Variants in VPS13C observed in about 807,000 individuals in gnomAD.
VPS13C encodes the protein intermembrane lipid transfer protein VPS13C.
Under a neutral mutation model 456.8 loss-of-function variants are expected in VPS13C, and 358 were observed. That is an observed-to-expected ratio of 0.78 (90% CI 0.72 to 0.86). The LOEUF is 0.86. Among genes scored for constraint, VPS13C ranks in the 40% least tolerant of loss-of-function variants. The pLI, the probability that VPS13C is intolerant of heterozygous loss-of-function variation, is 0.00. For missense variants in VPS13C, 4,818 were observed against 4,385.4 expected, an observed-to-expected ratio of 1.10 and a Z score of -2.79; for synonymous variants, 1,578 against 1,486.7, an observed-to-expected ratio of 1.06 and a Z score of -1.41.
chr15:62,047,568 A>C (rs1321533582), intron 1 of VPS13C, among the ~76,000 whole-genome samples: 1 of 152,224 alleles, frequency 6.6e-6, no homozygotes, highest in Non-Finnish European at 1.5e-5. Flanking sequence ...TACATTCTCC[A>C]AGTTATTTGC....
rs1893753514 is a variant in VPS13C at position 61,853,569 on chromosome 15, T to G, written c.*888A>C. On this transcript the variant is annotated 3_prime_UTR_variant, in exon 85 of 85. Coordinates refer to ENST00000644861, the MANE Select transcript of VPS13C (RefSeq NM_020821.3). The stretch of plus-strand genomic sequence containing the variant: ...AATAAGCACCAAAGTAAAATATGCT[T>G]TATTAGGGGGAAAAACAGTGTTTTC... 6.6e-6 allele frequency: 1 copy of G among 152,124 alleles called. No homozygotes were observed. The highest frequency in any genetic ancestry group is 2.4e-5 in the African/African-American group (1 of 41,422). 9.4% of individuals were successfully genotyped at this position (152,124 alleles called of 1,614,324 possible).
chr15:62,057,211 CA>C (rs1218790823), intron 1 of VPS13C, among the ~76,000 whole-genome samples: 4 of 150,470 alleles, frequency 2.7e-5, no homozygotes, highest in Non-Finnish European at 5.9e-5. Flanking sequence ...ACAACAACAA[CA>C]AAAAAAAAAC....
chr15:61,882,778 C>G (rs781511576), intron 68 of VPS13C, 42 bp from the exon 69 acceptor site: 1 of 1,504,752 alleles, frequency 6.6e-7, no homozygotes, highest in Non-Finnish European at 8.8e-7. Flanking sequence ...CTGATATTAG[C>G]ACAGTAGCTA....
intron 8 of VPS13C, among the ~76,000 whole-genome samples, chr15:62,022,918 T>G (rs2047511708): frequency 6.6e-6 from 1 of 151,920 alleles, no homozygotes; most frequent in African/African-American, 2.4e-5. Context: ...AAGTTTGGTT[T>G]CTTCTGTGCA....
intron 3 of VPS13C, among the ~76,000 whole-genome samples, chr15:62,039,864 C>A (rs2048183395): frequency 6.6e-6 from 1 of 152,040 alleles, no homozygotes; most frequent in African/African-American, 2.4e-5. Flanking sequence ...TAGGTATATA[C>A]CCAAAAGAAA....
chr15:62,018,909 T>C lies in VPS13C; in HGVS notation c.684+1570A>G, dbSNP rs867733603. Among the ~76,000 whole-genome samples the C allele has an allele frequency of 5.3e-5, 8 of 152,284 alleles. No homozygotes were observed. In the Middle Eastern group the frequency reaches 0.014, roughly 259 times the overall value. On this transcript the variant is annotated intron_variant, in intron 9 of 84. Coordinates refer to ENST00000644861, the MANE Select transcript of VPS13C (RefSeq NM_020821.3). ...CTGGTAGAATTCGGCTGTGAATCCG[T>C]CTGGTCCTGGACTTTTTTTGGTTGG...
In VPS13C at chr15:61,931,002, G is replaced by C. The variant is rs147840430; in HGVS notation, c.6038+88C>G. Reference sequence around the variant, plus strand: ...TGACCAAAAGACAGAGATCTTTTTTGGATGATCCCTAGCCTAGCAATGCCT... The same window carrying C: ...TGACCAAAAGACAGAGATCTTTTTTCGATGATCCCTAGCCTAGCAATGCCT... On this transcript the variant is annotated intron_variant, in intron 50 of 84. Coordinates refer to ENST00000644861, the MANE Select transcript of VPS13C (RefSeq NM_020821.3). 8.2e-5 allele frequency: 119 copies of C among 1,455,308 alleles called. No individual in the cohort carries two copies. The African/African-American group carries it at 1.5e-3, about 18-fold the overall frequency. The allele number at this position is 1,455,308 out of a possible 1,614,324, so 90.1% of individuals were successfully genotyped here. A position where few individuals can be genotyped will look rare whatever the true frequency, so the allele number is the denominator to read the frequency against.
chr15:61,927,189 T>C lies in VPS13C; in HGVS notation c.6418A>G (p.Thr2140Ala), dbSNP rs767137353. ...ASFQCNLSLSTSKLEQMMEAS... is the reference protein window; with the variant it reads ...ASFQCNLSLSASKLEQMMEAS... ...TCCATCATCTGTTCGAGTTTGGATGTTGACAGAGAAAGGTTGCACTGAAAC... is the reference window on the plus strand; with the variant it reads ...TCCATCATCTGTTCGAGTTTGGATGCTGACAGAGAAAGGTTGCACTGAAAC... The change falls in exon 52 of 85, where the codon ACA becomes GCA. Residue 2140 changes from threonine (T) to alanine (A), a missense_variant. Transcript: ENST00000644861. 8.1e-6 allele frequency: 13 copies of C among 1,614,034 alleles called. No homozygotes were observed. The highest frequency in any genetic ancestry group is 2.7e-5 in the African/African-American group (2 of 74,924).
chr15:61,899,839 T>C (rs2042942702), intron 66 of VPS13C, among the ~76,000 whole-genome samples: 1 of 151,760 alleles, frequency 6.6e-6, no homozygotes, highest in African/African-American at 2.4e-5. Context: ...ATATCCTTGA[T>C]GAACATCGAT....
intron 64 of VPS13C, 51 bp from the exon 65 acceptor site, chr15:61,909,176 T>G: frequency 6.3e-7 from 1 of 1,591,466 alleles, no homozygotes; most frequent in Non-Finnish European, 8.6e-7. Flanking sequence ...TAATCTACAC[T>G]TACATATGGA....
In VPS13C at chr15:61,983,815, CT is replaced by C. The variant is rs1454201949; in HGVS notation, c.1914+4del. ...AATAAAGAGTTACTTTCTCCTTGCA[CT>C]TACAGCATCATAGATGACCTCCACA... is the stretch of plus-strand genomic sequence containing the variant. On this transcript the variant is annotated splice_donor_region_variant and intron_variant, in intron 20 of 84. Coordinates refer to ENST00000644861, the MANE Select transcript of VPS13C (RefSeq NM_020821.3). The C allele has an allele frequency of 1.9e-6, 3 of 1,612,878 alleles. No individual in the cohort carries two copies. The highest frequency in any genetic ancestry group is 1.3e-5 in the African/African-American group (1 of 74,896).
At chr15:61,931,922 T>C (rs28728272) in intron 49 of VPS13C, among the ~76,000 whole-genome samples, 207 of 152,124 alleles carry the variant, frequency 1.4e-3, no homozygotes, top group African/African-American at 4.7e-3. Context: ...TAAAAAACAG[T>C]GATAAGATTT....
At chr15:61,924,549 G>C (rs1020360020) in intron 53 of VPS13C, among the ~76,000 whole-genome samples, 2 of 152,174 alleles carry the variant, frequency 1.3e-5, no homozygotes, top group African/African-American at 4.8e-5. Context: ...CACAAAGAAT[G>C]TAAAGTCTCA....
chr15:62,006,714 C>G (rs1200433169), intron 15 of VPS13C, among the ~76,000 whole-genome samples: 23 of 152,150 alleles, frequency 1.5e-4, no homozygotes, highest in Admixed American at 1.5e-3. Flanking sequence ...AGTTTACAAT[C>G]CCACCAACAG....
chr15:61,984,482 C>T (rs1433639139), intron 19 of VPS13C, among the ~76,000 whole-genome samples: 1 of 152,200 alleles, frequency 6.6e-6, no homozygotes, highest in African/African-American at 2.4e-5. Flanking sequence ...ACAATACCTT[C>T]TTACCTTAGA....
At chr15:61,925,192 A>G (rs4775453) in intron 53 of VPS13C, among the ~76,000 whole-genome samples, 2 of 151,002 alleles carry the variant, frequency 1.3e-5, no homozygotes, top group East Asian at 2.0e-4. Context: ...CTCAACCCCC[A>G]CAACACACGC....
In VPS13C at chr15:62,025,671, A is replaced by G. The variant is rs532341272; in HGVS notation, c.449-1826T>C. ...TGTTTAAACCTCTCTAAACAGTTTAAATCTAATCTTAGAGCTAATATAGCT... is the reference window on the plus strand; with the variant it reads ...TGTTTAAACCTCTCTAAACAGTTTAGATCTAATCTTAGAGCTAATATAGCT... On this transcript the variant is annotated intron_variant, in intron 6 of 84. Coordinates refer to ENST00000644861, the MANE Select transcript of VPS13C (RefSeq NM_020821.3). Among the ~76,000 whole-genome samples the G allele has an allele frequency of 4.4e-4, 67 of 152,248 alleles. 1 individual carries two copies. Among genetic ancestry groups the G allele is most frequent in the African/African-American group, 1.4e-3 (59 of 41,564 alleles).
At chr15:61,948,550 G>A (rs2044683930) in intron 42 of VPS13C, among the ~76,000 whole-genome samples, 1 of 152,080 alleles carries the variant, frequency 6.6e-6, no homozygotes, top group African/African-American at 2.4e-5. Flanking sequence ...AGGCATGGTG[G>A]TGAGCACCTG....
chr15:61,984,157 G>C, intron 19 of VPS13C, 145 bp from the exon 20 acceptor site: 1 of 677,848 alleles, frequency 1.5e-6, no homozygotes, highest in Non-Finnish European at 2.4e-6. Flanking sequence ...AACCTCCTTA[G>C]CCAGGCATTC....
Sources: gnomAD v4.1 joint callset for allele counts (sites outside exome capture counted in the v4.1 genomes callset) on GRCh38, gnomAD v4.1.1 for gene constraint, MANE v1.5 for transcripts, NCBI Gene and HGNC (gene_info 2026-07-23, HGNC 2026-07-21) for gene names.